The following RRM2 variants were observed in gnomAD, a reference collection of about 807,000 sequenced individuals.
The protein encoded by RRM2 is ribonucleoside-diphosphate reductase subunit M2.
A neutral mutation model predicts 45.9 loss-of-function variants in RRM2; 6 were observed. The ratio of observed to expected loss-of-function variants is 0.13; its 90% CI spans 0.07 to 0.26. The LOEUF (loss-of-function observed/expected upper bound fraction) is 0.26, where lower values mean the gene tolerates loss of function less well. Ranked by LOEUF, RRM2 falls within the 10% of genes least tolerant of loss-of-function variation. The pLI is 1.00. For missense variants in RRM2, 343 were observed against 489.5 expected, an observed-to-expected ratio of 0.70 and a Z score of 2.82; for synonymous variants, 177 against 173.0, an observed-to-expected ratio of 1.02 and a Z score of -0.18.
At position 10,129,875 on chromosome 2, in the gene RRM2, ATT is replaced by A. The variant is rs1342880009; in HGVS notation, c.*490_*491del. ...GACCACTAATGGGAGCCAATTCACA[ATT>A]CACTAAGTGACTAAAGTAAGTTAAA... On this transcript the variant is annotated 3_prime_UTR_variant, in exon 10 of 10. Transcript: ENST00000304567. This position sits in a 1 kb window ranked among gnomAD's most constrained non-coding sequence, Gnocchi z 4.8. 2.6e-5 allele frequency: 4 copies of A among 153,568 alleles called. No homozygotes were observed. Among genetic ancestry groups the A allele is most frequent in the African/African-American group, 9.6e-5 (4 of 41,506 alleles). 9.5% of individuals were successfully genotyped at this position (153,568 alleles called of 1,614,324 possible).
rs150695172 is a variant in RRM2, at chr2:10,142,389, G to A, written n.482+14G>A. The A allele has an allele frequency of 8.2e-4, 1,119 of 1,369,518 alleles. 6 individuals carry two copies. In the African/African-American group the frequency reaches 0.014, roughly 18 times the overall value. 84.8% of individuals were successfully genotyped at this position (1,369,518 alleles called of 1,614,324 possible). ...TGCAGCTTTCAGGTGAGAAATGATG[G>A]CAACTCGCACGGTGGGGGAAGAGGG... On this transcript the variant is annotated intron_variant and non_coding_transcript_variant, in intron 3 of 3. Coordinates refer to the RRM2 transcript ENST00000381786.
intron 3 of RRM2, among the ~76,000 whole-genome samples, chr2:10,183,455 G>A (rs1447516549): frequency 2.0e-5 from 3 of 152,222 alleles, no homozygotes; most frequent in African/African-American, 7.2e-5. Flanking sequence ...GGGCCAGCCC[G>A]GCTCATCCCC....
rs1234505909 is a variant in RRM2 at position 10,205,008 on chromosome 2, G to A, written n.483-5303G>A. ...AGGCATAGTGTGAGCAAAGTCAGAC[G>A]CAGTGGTTACAAGCAACCCCACGTG... is the stretch of plus-strand genomic sequence containing the variant. On this transcript the variant is annotated intron_variant and non_coding_transcript_variant, in intron 3 of 3. Transcript: ENST00000381786. This position sits in a 1 kb window ranked among gnomAD's most constrained non-coding sequence, Gnocchi z 4.8. Among the ~76,000 whole-genome samples, 1 of 152,358 alleles carries A rather than the reference G, an allele frequency of 6.6e-6. No homozygotes were observed. Among genetic ancestry groups the A allele is most frequent in the African/African-American group, 2.4e-5 (1 of 41,598 alleles).
intron 3 of RRM2, among the ~76,000 whole-genome samples, chr2:10,186,605 C>T (rs1393835445): frequency 1.3e-5 from 2 of 152,246 alleles, no homozygotes; most frequent in Admixed American, 1.3e-4. Flanking sequence ...TCAATGCCCT[C>T]TAACCCCTCT....
At chr2:10,122,583 C>T (rs1400149807), upstream of RRM2, 1 of 1,450,248 alleles carries the variant, frequency 6.9e-7, no homozygotes, top group Non-Finnish European at 9.1e-7. Context: ...CGCGCGCGGC[C>T]CCGCGGCCAG....
intron 3 of RRM2, among the ~76,000 whole-genome samples, chr2:10,196,616 A>G (rs1664420891): frequency 6.7e-6 from 1 of 150,030 alleles, no homozygotes; most frequent in Admixed American, 6.6e-5. Context: ...TGTGGATCCC[A>G]TGGGGGGCCG....
At chr2:10,141,670 C>G (rs1663082037) in intron 1 of RRM2, 1 of 783,352 alleles carries the variant, frequency 1.3e-6, no homozygotes, top group Non-Finnish European at 2.0e-6. Flanking sequence ...AGCGGGGAGG[C>G]AGGAAGGAGG....
intron 3 of RRM2, among the ~76,000 whole-genome samples, chr2:10,190,302 GTGA>G (rs1197615782): frequency 2.0e-5 from 3 of 146,506 alleles, no homozygotes; most frequent in East Asian, 4.2e-4. Flanking sequence ...GGGGTTGGTG[GTGA>G]TGAGTGTGAT....
chr2:10,192,979 C>A (rs566856254), intron 3 of RRM2, among the ~76,000 whole-genome samples: 1 of 152,230 alleles, frequency 6.6e-6, no homozygotes, highest in Non-Finnish European at 1.5e-5. Context: ...CTCCTTCAGA[C>A]TCCTCCAGGG....
At chr2:10,158,768 T>C (rs1056581786) in intron 3 of RRM2, among the ~76,000 whole-genome samples, 4 of 152,206 alleles carry the variant, frequency 2.6e-5, no homozygotes, top group Non-Finnish European at 4.4e-5. Flanking sequence ...GCCGGGGCCG[T>C]GCTCTGAGGA....
Position 10,141,696 on chromosome 2 carries a change from C to T in RRM2, n.260+55C>T, listed in dbSNP as rs1663082619. Reference sequence around the variant, plus strand: ...AGGAAGGAGGGCAAGAGACCTCGACCTGTTCTTGGGAAGGAAAGAGCAGGT... The same window carrying T: ...AGGAAGGAGGGCAAGAGACCTCGACTTGTTCTTGGGAAGGAAAGAGCAGGT... On this transcript the variant is annotated intron_variant and non_coding_transcript_variant, in intron 1 of 3. Transcript: ENST00000381786. 40 of 1,080,892 alleles carry T rather than the reference C, an allele frequency of 3.7e-5. No homozygotes were observed. The South Asian group carries it at 4.3e-4, about 12-fold the overall frequency. 67.0% of individuals were successfully genotyped at this position (1,080,892 alleles called of 1,614,324 possible). A position where few individuals can be genotyped will look rare whatever the true frequency, so the allele number is the denominator to read the frequency against.
chr2:10,197,894 G>T, intron 3 of RRM2, among the ~76,000 whole-genome samples: 1 of 152,118 alleles, frequency 6.6e-6, no homozygotes, highest in East Asian at 1.9e-4. Flanking sequence ...GCTGGTGGAT[G>T]GGGCCCCTCT....
chr2:10,184,732 T>C (rs1664129010), intron 3 of RRM2, among the ~76,000 whole-genome samples: 1 of 152,192 alleles, frequency 6.6e-6, no homozygotes, highest in African/African-American at 2.4e-5. Context: ...TGGCCCTGAA[T>C]CCAGTAACAC....
intron 3 of RRM2, among the ~76,000 whole-genome samples, chr2:10,182,166 T>A (rs1664073388): frequency 6.6e-6 from 1 of 152,040 alleles, no homozygotes; most frequent in Non-Finnish European, 1.5e-5. Flanking sequence ...GGTGAAACAC[T>A]GTCTCTACTA....
rs1257150539 is a variant in RRM2 at position 10,205,097 on chromosome 2, T to A, written n.483-5214T>A. On this transcript the variant is annotated intron_variant and non_coding_transcript_variant, in intron 3 of 3. Coordinates refer to the RRM2 transcript ENST00000381786. The surrounding 1 kb of genome is among the most constrained non-coding windows in gnomAD (Gnocchi z 4.8). Reference sequence around the variant, plus strand: ...CAGCTCCCTAAGCCTTCTTTGTCCTTACCGTCTCTTCAGAATCTGTCTGCT... The same window carrying A: ...CAGCTCCCTAAGCCTTCTTTGTCCTAACCGTCTCTTCAGAATCTGTCTGCT... Among the ~76,000 whole-genome samples, 1 of 152,246 alleles carries A rather than the reference T, an allele frequency of 6.6e-6. No homozygotes were observed. The highest frequency in any genetic ancestry group is 3.2e-3 in the Middle Eastern group (1 of 316).
rs61292654 is a variant in RRM2, at chr2:10,150,771, GT to G, written n.482+8415del. Reference sequence around the variant, plus strand: ...TAAATAGAATCCTACAGTGTGTTGTGTTTTTTTTTTTTTTTTTTTGATGTGG... The same window carrying G: ...TAAATAGAATCCTACAGTGTGTTGTGTTTTTTTTTTTTTTTTTTGATGTGG... On this transcript the variant is annotated intron_variant and non_coding_transcript_variant, in intron 3 of 3. Coordinates refer to the RRM2 transcript ENST00000381786. Among the ~76,000 whole-genome samples the G allele has an allele frequency of 9.7e-3, 901 of 92,850 alleles. 9 individuals carry two copies. The highest frequency in any genetic ancestry group is 0.028 in the African/African-American group (695 of 24,694). 60.9% of individuals were successfully genotyped at this position (92,850 alleles called of 152,430 possible). A position where few individuals can be genotyped will look rare whatever the true frequency, so the allele number is the denominator to read the frequency against.
At chr2:10,133,916 C>T (rs886529302), downstream of RRM2, among the ~76,000 whole-genome samples, 1 of 151,914 alleles carries the variant, frequency 6.6e-6, no homozygotes, top group Admixed American at 6.6e-5. Flanking sequence ...TGGTGGCTCG[C>T]GCCTGTAATC....
exon 4 of RRM2, chr2:10,211,010 A>G (rs1664752230): frequency 5.8e-6 from 1 of 173,746 alleles, no homozygotes; most frequent in African/African-American, 2.4e-5. Context: ...AAGGCACTCA[A>G]TATTTTGTTA....
chr2:10,184,191 T>C (rs1385113980), intron 3 of RRM2, among the ~76,000 whole-genome samples: 2 of 149,638 alleles, frequency 1.3e-5, no homozygotes, highest in Non-Finnish European at 3.0e-5. Flanking sequence ...AGACAAAGCT[T>C]GGTAACATCA....
Sources: gnomAD v4.1 joint callset for allele counts (sites outside exome capture counted in the v4.1 genomes callset) on GRCh38, gnomAD v4.1.1 for gene constraint, Gnocchi (gnomAD v3.1) non-coding constraint, MANE v1.5 for transcripts, NCBI Gene and HGNC (gene_info 2026-07-23, HGNC 2026-07-21) for gene names.